ZNF76: variants seen among roughly 807,000 people sequenced by gnomAD.
The protein encoded by ZNF76 is zinc finger protein 523.
A neutral mutation model predicts 66.9 loss-of-function variants in ZNF76; 66 were observed. The observed-to-expected ratio is 0.99, with a 90% CI of 0.81 to 1.21. ZNF76 has a LOEUF of 1.21. ZNF76 is among the 50% of genes most tolerant of loss of function. ZNF76 has a pLI of 0.00. For synonymous variants in ZNF76, 275 were observed against 296.1 expected, an observed-to-expected ratio of 0.93 and a Z score of 0.73; for missense variants, 729 against 760.3, an observed-to-expected ratio of 0.96 and a Z score of 0.48.
intron 2 of ZNF76, among the ~76,000 whole-genome samples, chr6:35,283,610 A>G (rs1789104163): frequency 6.6e-6 from 1 of 152,134 alleles, no homozygotes; most frequent in Non-Finnish European, 1.5e-5. Context: ...GCCTCTCTCC[A>G]TTGTAGTCTC....
chr6:35,262,315 T>G (rs1026619512), intron 1 of ZNF76, among the ~76,000 whole-genome samples: 27 of 152,186 alleles, frequency 1.8e-4, no homozygotes, highest in African/African-American at 6.3e-4. Context: ...TCCTAGGTTT[T>G]GTGATCTGCT....
rs1333774574 is a variant in ZNF76, at chr6:35,295,196, T to C, written c.1661T>C (p.Met554Thr). The C allele has an allele frequency of 2.5e-6, 4 of 1,612,294 alleles. No homozygotes were observed. In the South Asian group the frequency reaches 3.3e-5, roughly 13 times the overall value. The change falls in exon 14 of 14, where the codon ATG (methionine) becomes ACG (threonine). Residue 554 changes from methionine (M) to threonine (T), a missense_variant. Physicochemically the swap from Met to Thr is moderately conservative, Grantham distance 81. Coordinates refer to ENST00000373953, the MANE Select transcript of ZNF76 (RefSeq NM_003427.5). ...GCCATCAATGTGGCCACTGCGGCCA[T>C]GCAGCAAGGGGCTGTGACCCTGGAG... The part of the protein sequence containing the change: ...EEAINVATAA[M>T]QQGAVTLETT...
intron 1 of ZNF76, chr6:35,270,461 T>C (rs1018530591): frequency 1.3e-5 from 2 of 152,060 alleles, no homozygotes; most frequent in East Asian, 1.9e-4. Context: ...ATAAAAGATA[T>C]TCCCTGAAAA....
intron 1 of ZNF76, among the ~76,000 whole-genome samples, chr6:35,271,226 G>A (rs970826796): frequency 6.6e-6 from 1 of 152,228 alleles, no homozygotes; most frequent in Non-Finnish European, 1.5e-5. Context: ...ATGTGAAATT[G>A]CTGGGTCAGA....
chr6:35,267,948 C>T (rs1218924415), intron 1 of ZNF76, among the ~76,000 whole-genome samples: 1 of 152,158 alleles, frequency 6.6e-6, no homozygotes, highest in Non-Finnish European at 1.5e-5. Context: ...ACTTCCTTGC[C>T]AGGAGCTTCT....
At chr6:35,268,782 GAA>G (rs767765081) in intron 1 of ZNF76, among the ~76,000 whole-genome samples, 4 of 85,762 alleles carry the variant, frequency 4.7e-5, no homozygotes, top group African/African-American at 1.7e-4. Context: ...CAAAAAGAGA[GAA>G]AAAAAAAAAA....
intron 11 of ZNF76, among the ~76,000 whole-genome samples, chr6:35,293,410 C>T (rs1385780492): frequency 6.6e-6 from 1 of 152,186 alleles, no homozygotes; most frequent in East Asian, 1.9e-4. Flanking sequence ...TACTAGTGTA[C>T]TAGCTAGCTA....
At chr6:35,290,805 G>A (rs1790271722) in intron 7 of ZNF76, 89 bp downstream of exon 7, 1 of 1,281,280 alleles carries the variant, frequency 7.8e-7, no homozygotes. Context: ...ACACCAGGCT[G>A]CTTTCCTGGA....
rs747006074 is a variant in ZNF76, at chr6:35,292,548, C to T, written c.932-6C>T. On this transcript the variant is annotated splice_region_variant and splice_polypyrimidine_tract_variant and intron_variant, in intron 9 of 13. Coordinates refer to ENST00000373953, the MANE Select transcript of ZNF76 (RefSeq NM_003427.5). This position sits in a 1 kb window ranked among gnomAD's most constrained non-coding sequence, Gnocchi z 4.7. ...TCCCACCCCCCTCACAGCCCAGTGT[C>T]CCCAGGGGAGAAGCCATACGTTTGC... The T allele has an allele frequency of 1.2e-6, 2 of 1,612,624 alleles. No homozygotes were observed. Among genetic ancestry groups the T allele is most frequent in the Non-Finnish European group, 1.7e-6 (2 of 1,179,702 alleles).
At chr6:35,260,235 A>T (rs1323907302) in intron 1 of ZNF76, among the ~76,000 whole-genome samples, 1 of 151,698 alleles carries the variant, frequency 6.6e-6, no homozygotes, top group Non-Finnish European at 1.5e-5. Flanking sequence ...GACTCACATG[A>T]CCCTGAGATC....
chr6:35,293,352 A>T (rs1790717770), intron 11 of ZNF76, among the ~76,000 whole-genome samples: 1 of 152,164 alleles, frequency 6.6e-6, no homozygotes, highest in South Asian at 2.1e-4. Context: ...GCATGTTCAT[A>T]TAGCAGCCAG....
In ZNF76 at chr6:35,295,563, G is replaced by C. The variant is rs548746995; in HGVS notation, c.*315G>C. The C allele has an allele frequency of 1.6e-5, 6 of 384,036 alleles. No homozygotes were observed. Among genetic ancestry groups the C allele is most frequent in the Non-Finnish European group, 3.0e-5 (6 of 198,330 alleles). 23.8% of individuals were successfully genotyped at this position (384,036 alleles called of 1,614,324 possible). A position where few individuals can be genotyped will look rare whatever the true frequency, so the allele number is the denominator to read the frequency against. ...AGAACACCCTTCTGGCCCTCAGTCT[G>C]TTCCCCTTCTCAGGTAGAGATTGGG... On this transcript the variant is annotated 3_prime_UTR_variant, in exon 14 of 14. Transcript: ENST00000373953.
intron 1 of ZNF76, among the ~76,000 whole-genome samples, chr6:35,266,551 G>T (rs959046842): frequency 1.3e-5 from 2 of 152,088 alleles, no homozygotes; most frequent in African/African-American, 2.4e-5. Flanking sequence ...TATCAAAGTC[G>T]AGATGTTGAG....
intron 1 of ZNF76, among the ~76,000 whole-genome samples, chr6:35,273,890 A>G (rs1054746585): frequency 3.3e-5 from 5 of 152,074 alleles, no homozygotes; most frequent in Non-Finnish European, 7.3e-5. Context: ...AAAAAAAGCA[A>G]TATGCTTTAT....
intron 5 of ZNF76, chr6:35,288,201 C>A: frequency 2.1e-6 from 1 of 484,778 alleles, no homozygotes; most frequent in Non-Finnish European, 4.1e-6. Flanking sequence ...TCTGCACTAG[C>A]TGGGAAAGCC....
At position 35,292,791 on chromosome 6, in the gene ZNF76, A is replaced by T. The variant is rs772591591; in HGVS notation, c.1165+4A>T. The T allele has an allele frequency of 1.9e-6, 3 of 1,614,050 alleles. No homozygotes were observed. Among genetic ancestry groups the T allele is most frequent in the Middle Eastern group, 1.6e-4 (1 of 6,062 alleles). On this transcript the variant is annotated splice_donor_region_variant and intron_variant, in intron 10 of 13. Coordinates refer to ENST00000373953, the MANE Select transcript of ZNF76 (RefSeq NM_003427.5). This position sits in a 1 kb window ranked among gnomAD's most constrained non-coding sequence, Gnocchi z 4.7. ...TATGAGCAGCAGCAACTTGAGGGTAAGGGGAGTGGGCAGAGGGTGAGAGTG... is the reference window on the plus strand; with the variant it reads ...TATGAGCAGCAGCAACTTGAGGGTATGGGGAGTGGGCAGAGGGTGAGAGTG...
At chr6:35,291,527 C>T in intron 8 of ZNF76, 31 bp from the exon 9 acceptor site, 1 of 1,607,106 alleles carries the variant, frequency 6.2e-7, no homozygotes. Context: ...CTCTTTCCCA[C>T]ACCCCTCCTC....
In ZNF76 at chr6:35,295,181, TGG is replaced by T; in HGVS notation, c.1647_1648del (p.Ala550HisfsTer62). The T allele has an allele frequency of 6.2e-7, 1 of 1,612,666 alleles. No individual in the cohort carries two copies. Among genetic ancestry groups the T allele is most frequent in the Non-Finnish European group, 8.5e-7 (1 of 1,179,392 alleles). On this transcript the variant is annotated frameshift_variant, in exon 14 of 14. Coordinates refer to ENST00000373953, the MANE Select transcript of ZNF76 (RefSeq NM_003427.5). LOFTEE classifies it high-confidence loss of function. The stretch of plus-strand genomic sequence containing the variant: ...CAGACCTTAGAGGAGGCCATCAATG[TGG>T]CCACTGCGGCCATGCAGCAAGGGGC...
At position 35,290,634 on chromosome 6, in the gene ZNF76, C is replaced by T. The variant is rs756636087; in HGVS notation, c.550-7C>T. 8.7e-6 allele frequency: 14 copies of T among 1,614,116 alleles called. No individual in the cohort carries two copies. The highest frequency in any genetic ancestry group is 1.3e-5 in the African/African-American group (1 of 75,036). On this transcript the variant is annotated splice_polypyrimidine_tract_variant and splice_region_variant and intron_variant, in intron 6 of 13. Transcript: ENST00000373953. ...CCTCTGAATTATGTGATTGCTTGTC[C>T]TCACAGGTGCATGAACGAGCTCATA...
Sources: allele counts gnomAD v4.1 joint callset (sites outside exome capture counted in the v4.1 genomes callset), GRCh38; gene constraint gnomAD v4.1.1; non-coding constraint Gnocchi (gnomAD v3.1); transcripts MANE v1.5; gene names NCBI Gene and HGNC (gene_info 2026-07-23, HGNC 2026-07-21).